Variants in RAB27A observed in about 807,000 individuals in gnomAD.
The protein encoded by RAB27A is ras-related protein Rab-27A.
In RAB27A, 17 loss-of-function variants were observed where a neutral mutation model predicts 20.8. The observed-to-expected ratio is 0.82, with a 90% confidence interval of 0.56 to 1.23. RAB27A has a LOEUF of 1.23. Among genes scored for constraint, RAB27A ranks in the 50% most tolerant of loss-of-function variants. The pLI, the probability that RAB27A is intolerant of heterozygous loss-of-function variation, is 0.00. For missense variants in RAB27A, 277 were observed against 266.7 expected, an observed-to-expected ratio of 1.04 and a Z score of -0.27; for synonymous variants, 85 against 92.8, an observed-to-expected ratio of 0.92 and a Z score of 0.48.
chr15:55,233,131 A>G (rs1896101419), intron 3 of RAB27A, among the ~76,000 whole-genome samples: 2 of 152,142 alleles, frequency 1.3e-5, no homozygotes, highest in African/African-American at 4.8e-5. Flanking sequence ...TCTCAAAAAG[A>G]AAAAAGAAAA....
At chr15:55,249,552 A>ATTAC (rs1180171623) in intron 2 of RAB27A, among the ~76,000 whole-genome samples, 1 of 152,208 alleles carries the variant, frequency 6.6e-6, no homozygotes, top group Non-Finnish European at 1.5e-5. Context: ...AAGTGGTGAA[A>ATTAC]TTACAGGCAT....
At chr15:55,238,420 G>A (rs886508224) in intron 2 of RAB27A, 6 of 152,088 alleles carry the variant, frequency 3.9e-5, no homozygotes, top group Non-Finnish European at 8.8e-5. Context: ...AGCAGAGCTG[G>A]GTTTGAATCC....
chr15:55,208,480 C>T (rs1894759732), intron 6 of RAB27A, among the ~76,000 whole-genome samples: 1 of 152,178 alleles, frequency 6.6e-6, no homozygotes, highest in Admixed American at 6.5e-5. Context: ...AGCCTAGATT[C>T]ATATCATCCT....
At chr15:55,260,172 T>A (rs889703379) in intron 2 of RAB27A, 3 of 152,200 alleles carry the variant, frequency 2.0e-5, no homozygotes, top group Non-Finnish European at 4.4e-5. Context: ...ATGGCAAATA[T>A]GCATATGAGA....
upstream of RAB27A, among the ~76,000 whole-genome samples, chr15:55,292,311 T>C (rs2054925757): frequency 6.6e-6 from 1 of 152,204 alleles, no homozygotes; most frequent in Non-Finnish European, 1.5e-5. Context: ...ATGAGGAAAC[T>C]GAGTCCTAAA....
intron 2 of RAB27A, among the ~76,000 whole-genome samples, chr15:55,245,786 A>G (rs1371563795): frequency 6.6e-6 from 1 of 152,250 alleles, no homozygotes; most frequent in African/African-American, 2.4e-5. Context: ...GACAAAAAAT[A>G]AAATTATCTG....
rs1275313725 is a variant in RAB27A at position 55,303,628 on chromosome 15, C to T, written c.-112+10411G>A. On this transcript the variant is annotated intron_variant, in intron 2 of 5. Transcript: ENST00000563262. Reference sequence around the variant, plus strand: ...GGGAGGTGAGGGGGTCGGCCCCCCGCCCGGCCAGCCGCCCCGTCCGGGAGG... The same window carrying T: ...GGGAGGTGAGGGGGTCGGCCCCCCGTCCGGCCAGCCGCCCCGTCCGGGAGG... Among the ~76,000 whole-genome samples the T allele has an allele frequency of 1.1e-3, 115 of 106,206 alleles. 1 individual carries two copies. In the Middle Eastern group the frequency reaches 0.018, roughly 16 times the overall value. The allele number at this position is 106,206 out of a possible 152,430, so 69.7% of individuals were successfully genotyped here.
At chr15:55,309,213 T>C (rs1328229650) in intron 2 of RAB27A, among the ~76,000 whole-genome samples, 1 of 152,218 alleles carries the variant, frequency 6.6e-6, no homozygotes, top group Non-Finnish European at 1.5e-5. Context: ...CAGAAACCTG[T>C]TATGCCAAGG....
intron 2 of RAB27A, among the ~76,000 whole-genome samples, chr15:55,302,997 C>A (rs977360768): frequency 1.4e-5 from 2 of 143,864 alleles, no homozygotes; most frequent in South Asian, 2.2e-4. Context: ...GGGGGTCAAC[C>A]CCCCGCCCGG....
At chr15:55,257,817 AC>A (rs1230761447) in intron 2 of RAB27A, among the ~76,000 whole-genome samples, 1 of 152,138 alleles carries the variant, frequency 6.6e-6, no homozygotes, top group Non-Finnish European at 1.5e-5. Flanking sequence ...ACGTGGTAAA[AC>A]CCTGTCTCTA....
At chr15:55,228,471 T>G in intron 5 of RAB27A, 138 bp downstream of exon 5, 1 of 715,610 alleles carries the variant, frequency 1.4e-6, no homozygotes, top group Non-Finnish European at 2.4e-6. Context: ...GTCCCTAAAC[T>G]AAAAACCTTG....
In RAB27A at chr15:55,204,126, A is replaced by G. The variant is rs1475796433; in HGVS notation, c.*1381T>C. 1 of 152,208 alleles carries G rather than the reference A, an allele frequency of 6.6e-6. No individual in the cohort carries two copies. The highest frequency in any genetic ancestry group is 1.5e-5 in the Non-Finnish European group (1 of 68,020). The allele number at this position is 152,208 out of a possible 1,614,324, so 9.4% of individuals were successfully genotyped here. ...CTTTATTTAAATTATGGTGAGTGAT[A>G]TTTCTTCCTATATAGCCATTAAGAT... On this transcript the variant is annotated 3_prime_UTR_variant, in exon 7 of 7. Transcript: ENST00000336787.
chr15:55,314,837 C>T (rs1033933182), intron 1 of RAB27A, among the ~76,000 whole-genome samples: 2 of 152,134 alleles, frequency 1.3e-5, no homozygotes, highest in Non-Finnish European at 2.9e-5. Flanking sequence ...GCCATACTGC[C>T]CAAAGTAATT....
At chr15:55,253,173 C>T (rs58143421) in intron 2 of RAB27A, among the ~76,000 whole-genome samples, 8,370 of 147,936 alleles carry the variant, frequency 0.057, 803 homozygotes, top group African/African-American at 0.2. Flanking sequence ...AATGGCCAGG[C>T]GTGGTGGCTC....
Position 55,205,314 on chromosome 15 carries a change from G to A in RAB27A, c.*193C>T, listed in dbSNP as rs1894588261. ...AAATATTTCTCCTAACTCTCAGGCT[G>A]AATCTTAAAGAAATATTTACAAAGC... On this transcript the variant is annotated 3_prime_UTR_variant, in exon 7 of 7. Transcript: ENST00000336787. 7.5e-5 allele frequency: 49 copies of A among 650,818 alleles called. No homozygotes were observed. The South Asian group carries it at 9.2e-4, about 12-fold the overall frequency. 40.3% of individuals were successfully genotyped at this position (650,818 alleles called of 1,614,324 possible). A position where few individuals can be genotyped will look rare whatever the true frequency, so the allele number is the denominator to read the frequency against.
At chr15:55,294,123 G>T (rs1054031351), upstream of RAB27A, among the ~76,000 whole-genome samples, 3 of 150,416 alleles carry the variant, frequency 2.0e-5, no homozygotes, top group African/African-American at 5.0e-5. Flanking sequence ...TACTACAAAG[G>T]TATAGTAATT....
intron 3 of RAB27A, among the ~76,000 whole-genome samples, chr15:55,234,459 G>A (rs1185426330): frequency 1.3e-5 from 2 of 152,180 alleles, no homozygotes; most frequent in African/African-American, 4.8e-5. Flanking sequence ...ACAAGAGTAT[G>A]AGGGGCAAGG....
Position 55,226,631 on chromosome 15 carries a change from A to G in RAB27A, c.343+1978T>C, listed in dbSNP as rs370398524. On this transcript the variant is annotated intron_variant, in intron 5 of 6. Coordinates refer to ENST00000336787, the MANE Select transcript of RAB27A (RefSeq NM_183235.3). ...ACGCCTGTAATCCCAGCACTTTGGGAGGCTGAGGCGCGTGGATCACCTGAG... is the reference window on the plus strand; with the variant it reads ...ACGCCTGTAATCCCAGCACTTTGGGGGGCTGAGGCGCGTGGATCACCTGAG... Among the ~76,000 whole-genome samples, 8 of 152,204 alleles carry G rather than the reference A, an allele frequency of 5.3e-5. No homozygotes were observed. The East Asian group carries it at 1.5e-3, about 29-fold the overall frequency.
intron 3 of RAB27A, among the ~76,000 whole-genome samples, chr15:55,233,452 G>A (rs1016438756): frequency 2.0e-5 from 3 of 152,056 alleles, no homozygotes; most frequent in African/African-American, 7.2e-5. Context: ...CAGACAAATG[G>A]ATAAACAAAA....
Sources: gnomAD v4.1 joint callset for allele counts (sites outside exome capture counted in the v4.1 genomes callset) on GRCh38, gnomAD v4.1.1 for gene constraint, MANE v1.5 for transcripts, NCBI Gene and HGNC (gene_info 2026-07-23, HGNC 2026-07-21) for gene names.